The following KDM4E variants were observed in gnomAD, a reference collection of about 807,000 sequenced individuals.
The protein encoded by KDM4E is lysine-specific demethylase 4E.
For synonymous variants in KDM4E, 229 were observed against 232.9 expected (o/e 0.98, Z 0.15); for missense variants, 576 against 642.6 (o/e 0.90, Z 1.12).
chr11:95,026,510 T>C lies in KDM4E; in HGVS notation c.953T>C (p.Met318Thr), dbSNP rs1471945677. 6.3e-7 allele frequency: 1 copy of C among 1,583,686 alleles called. No individual in the cohort carries two copies. The highest frequency in any genetic ancestry group is 1.8e-5 in the Admixed American group (1 of 56,650). ...GGGGAGTCGACAGTGACCTTTTCCA[T>C]GGACCCCTTTGTGCGCATTGTGCAA... ...SCGESTVTFS[M>T]DPFVRIVQPE... The change falls in exon 1 of 1, where the codon ATG becomes ACG. Residue 318 changes from methionine (M) to threonine (T), a missense_variant. By Grantham distance (81) the Met-to-Thr change is moderately conservative. Coordinates refer to ENST00000450979, the MANE Select transcript of KDM4E (RefSeq NM_001161630.1).
Position 95,027,178 on chromosome 11 carries a change from C to T in KDM4E, c.*100C>T, listed in dbSNP as rs1858282590. On this transcript the variant is annotated 3_prime_UTR_variant, in exon 1 of 1. Transcript: ENST00000450979. ...CTGGATCGTGATGAAACCATGCACC[C>T]TGGCCTGTGCCTGCTATCCCTCAAC... is the stretch of plus-strand genomic sequence containing the variant. 2 of 1,433,554 alleles carry T rather than the reference C, an allele frequency of 1.4e-6. No homozygotes were observed. The highest frequency in any genetic ancestry group is 1.4e-5 in the South Asian group (1 of 69,516). The allele number at this position is 1,433,554 out of a possible 1,614,324, so 88.8% of individuals were successfully genotyped here. A position where few individuals can be genotyped will look rare whatever the true frequency, so the allele number is the denominator to read the frequency against.
chr11:95,025,341 A>C lies in KDM4E; in HGVS notation c.-217A>C, dbSNP rs1445098920. ...GAGCTGGGACATACTCTACTTCTTCAGAAAAAAGTATACTGACTAGAGTGG... is the reference window on the plus strand; with the variant it reads ...GAGCTGGGACATACTCTACTTCTTCCGAAAAAAGTATACTGACTAGAGTGG... On this transcript the variant is annotated 5_prime_UTR_variant, in exon 1 of 1. Transcript: ENST00000450979. 4 of 558,156 alleles carry C rather than the reference A, an allele frequency of 7.2e-6. No homozygotes were observed. The highest frequency in any genetic ancestry group is 1.2e-5 in the Non-Finnish European group (4 of 339,390). The allele number at this position is 558,156 out of a possible 1,614,324, so 34.6% of individuals were successfully genotyped here. A position where few individuals can be genotyped will look rare whatever the true frequency, so the allele number is the denominator to read the frequency against.
In KDM4E at chr11:95,026,263, G is replaced by A. The variant is rs1555102805; in HGVS notation, c.706G>A (p.Glu236Lys). The A allele has an allele frequency of 6.2e-7, 1 of 1,614,108 alleles. No homozygotes were observed. ...ELFPDISRGC[E>K]AFLRHKVALI... Reference sequence around the variant, plus strand: ...CTTCCCAGACATTTCTCGGGGCTGTGAGGCCTTCCTGCGGCACAAAGTGGC... The same window carrying A: ...CTTCCCAGACATTTCTCGGGGCTGTAAGGCCTTCCTGCGGCACAAAGTGGC... Residue 236 changes from glutamate (E) to lysine (K), a missense_variant, in exon 1 of 1, where the codon GAG becomes AAG. Physicochemically the swap from Glu to Lys is moderately conservative, Grantham distance 56. Transcript: ENST00000450979.
At position 95,025,792 on chromosome 11, in the gene KDM4E, C is replaced by A. The variant is rs1338563462; in HGVS notation, c.235C>A (p.Gln79Lys). The change falls in exon 1 of 1, where the codon CAG (glutamine) becomes AAG (lysine). Residue 79 changes from glutamine to lysine, a missense_variant. By Grantham distance (53) the Gln-to-Lys change is moderately conservative (BLOSUM62 1). Coordinates refer to ENST00000450979, the MANE Select transcript of KDM4E (RefSeq NM_001161630.1). ...TCCCCTCCAGCAGGTGACCTCTGGG[C>A]AGGGAGGTGTGTTTACTCAATACCA... ...ATPLQQVTSG[Q>K]GGVFTQYHKK... The A allele has an allele frequency of 6.3e-7, 1 of 1,591,162 alleles. No individual in the cohort carries two copies. The highest frequency in any genetic ancestry group is 8.5e-7 in the Non-Finnish European group (1 of 1,174,118).
chr11:95,025,788 T>G lies in KDM4E; in HGVS notation c.231T>G (p.Ser77=), dbSNP rs782533456. 28 of 1,591,452 alleles carry G rather than the reference T, an allele frequency of 1.8e-5. No individual in the cohort carries two copies. The East Asian group carries it at 6.1e-4, about 35-fold the overall frequency. The change falls in exon 1 of 1, where the codon TCT becomes TCG. Residue 77 remains serine, a synonymous_variant. Coordinates refer to ENST00000450979, the MANE Select transcript of KDM4E (RefSeq NM_001161630.1). ...LIATPLQQVT[S]GQGGVFTQYH... ...CCACTCCCCTCCAGCAGGTGACCTC[T>G]GGGCAGGGAGGTGTGTTTACTCAAT...
Position 95,026,754 on chromosome 11 carries a change from T to G in KDM4E, c.1197T>G (p.Thr399=), listed in dbSNP as rs1226126672. Residue 399 remains threonine, a synonymous_variant, in exon 1 of 1, where the codon ACT becomes ACG. Transcript: ENST00000450979. ...GHCYNPKGCG[T]DAVPGSAFQS... is the part of the protein sequence containing the mutation. Reference sequence around the variant, plus strand: ...GTTACAACCCAAAAGGCTGTGGCACTGATGCTGTGCCTGGATCCGCATTCC... The same window carrying G: ...GTTACAACCCAAAAGGCTGTGGCACGGATGCTGTGCCTGGATCCGCATTCC... 14 of 1,537,136 alleles carry G rather than the reference T, an allele frequency of 9.1e-6. No homozygotes were observed. The East Asian group carries it at 3.2e-4, about 35-fold the overall frequency.
chr11:95,027,254 C>T lies in KDM4E; in HGVS notation c.*176C>T. 1.1e-6 allele frequency: 1 copy of T among 893,918 alleles called. No homozygotes were observed. The highest frequency in any genetic ancestry group is 1.9e-5 in the South Asian group (1 of 53,652). The allele number at this position is 893,918 out of a possible 1,614,324, so 55.4% of individuals were successfully genotyped here. A position where few individuals can be genotyped will look rare whatever the true frequency, so the allele number is the denominator to read the frequency against. ...TTGTCTGCATGACTCCTCCCAATGT[C>T]ATTGTGCCTTTGATTAAGTTTTCCA... On this transcript the variant is annotated 3_prime_UTR_variant, in exon 1 of 1. Transcript: ENST00000450979.
In KDM4E at chr11:95,026,531, T is replaced by C. The variant is rs1858269808; in HGVS notation, c.974T>C (p.Val325Ala). 1.3e-6 allele frequency: 2 copies of C among 1,559,888 alleles called. No individual in the cohort carries two copies. The highest frequency in any genetic ancestry group is 1.9e-5 in the Admixed American group (1 of 53,046). Residue 325 changes from valine (V) to alanine (A), a missense_variant, in exon 1 of 1, where the codon GTG becomes GCG. Val to Ala is a moderately conservative substitution (Grantham distance 64). Coordinates refer to ENST00000450979, the MANE Select transcript of KDM4E (RefSeq NM_001161630.1). ...TCCATGGACCCCTTTGTGCGCATTG[T>C]GCAACCCGAGAGTTATGAGCTCTGG... is the stretch of plus-strand genomic sequence containing the variant. ...TFSMDPFVRI[V>A]QPESYELWKH...
rs537187609 is a variant in KDM4E at position 95,026,325 on chromosome 11, T to C, written c.768T>C (p.Ile256=). 8.1e-6 allele frequency: 13 copies of C among 1,613,980 alleles called. No homozygotes were observed. The highest frequency in any genetic ancestry group is 1.7e-5 in the Admixed American group (1 of 60,008). ...ISPTVLKENG[I]PFNCMTQEAG... Reference sequence around the variant, plus strand: ...CTACAGTTCTCAAGGAAAATGGGATTCCCTTCAATTGCATGACTCAGGAGG... The same window carrying C: ...CTACAGTTCTCAAGGAAAATGGGATCCCCTTCAATTGCATGACTCAGGAGG... The change falls in exon 1 of 1, where the codon ATT becomes ATC. Residue 256 remains isoleucine (I), a synonymous_variant. Coordinates refer to ENST00000450979, the MANE Select transcript of KDM4E (RefSeq NM_001161630.1).
At position 95,025,613 on chromosome 11, in the gene KDM4E, A is replaced by T; in HGVS notation, c.56A>T (p.Tyr19Phe). The change falls in exon 1 of 1, where the codon TAC (tyrosine) becomes TTC (phenylalanine). Residue 19 changes from tyrosine to phenylalanine, a missense_variant. By Grantham distance (22) the Tyr-to-Phe change is conservative. Coordinates refer to ENST00000450979, the MANE Select transcript of KDM4E (RefSeq NM_001161630.1). ...ACGAGTCATACCATCATGACGTTTTACCCAACCATGGAAGAATTTGCAGAT... is the reference window on the plus strand; with the variant it reads ...ACGAGTCATACCATCATGACGTTTTTCCCAACCATGGAAGAATTTGCAGAT... ...QNTSHTIMTF[Y>F]PTMEEFADFN... 1 of 1,537,250 alleles carries T rather than the reference A, an allele frequency of 6.5e-7. No homozygotes were observed. The highest frequency in any genetic ancestry group is 2.0e-5 in the Admixed American group (1 of 51,012).
chr11:95,026,269 T>C lies in KDM4E; in HGVS notation c.712T>C (p.Phe238Leu), dbSNP rs1226663528. Residue 238 changes from phenylalanine to leucine, a missense_variant, in exon 1 of 1, where the codon TTC (phenylalanine) becomes CTC (leucine). Phe to Leu is a conservative substitution (Grantham distance 22). Coordinates refer to ENST00000450979, the MANE Select transcript of KDM4E (RefSeq NM_001161630.1). ...AGACATTTCTCGGGGCTGTGAGGCC[T>C]TCCTGCGGCACAAAGTGGCCCTCAT... ...FPDISRGCEAFLRHKVALISP... is the reference protein window; with the variant it reads ...FPDISRGCEALLRHKVALISP... 6.2e-7 allele frequency: 1 copy of C among 1,613,988 alleles called. No homozygotes were observed. The highest frequency in any genetic ancestry group is 1.3e-5 in the African/African-American group (1 of 74,912).
Position 95,027,218 on chromosome 11 carries a change from T to G in KDM4E, c.*140T>G, listed in dbSNP as rs1291260718. ...TATCCCTCAACAGCACTACTAGTAATCTCCCTGATGTTGTCTGCATGACTC... is the reference window on the plus strand; with the variant it reads ...TATCCCTCAACAGCACTACTAGTAAGCTCCCTGATGTTGTCTGCATGACTC... On this transcript the variant is annotated 3_prime_UTR_variant, in exon 1 of 1. Transcript: ENST00000450979. 4 of 1,166,314 alleles carry G rather than the reference T, an allele frequency of 3.4e-6. No individual in the cohort carries two copies. The highest frequency in any genetic ancestry group is 4.7e-6 in the Non-Finnish European group (4 of 853,022). The allele number at this position is 1,166,314 out of a possible 1,614,324, so 72.2% of individuals were successfully genotyped here. A position where few individuals can be genotyped will look rare whatever the true frequency, so the allele number is the denominator to read the frequency against.
Position 95,026,490 on chromosome 11 carries a change from G to A in KDM4E, c.933G>A (p.Glu311=). The A allele has an allele frequency of 6.3e-7, 1 of 1,599,070 alleles. No individual in the cohort carries two copies. The highest frequency in any genetic ancestry group is 8.5e-7 in the Non-Finnish European group (1 of 1,177,422). The change falls in exon 1 of 1, where the codon GAG becomes GAA. Residue 311 remains glutamate, a synonymous_variant. Transcript: ENST00000450979. ...GKMASQCSCG[E]STVTFSMDPF... is the part of the protein sequence containing the mutation. ...TGGCCTCTCAGTGTAGCTGTGGGGA[G>A]TCGACAGTGACCTTTTCCATGGACC...
rs371628310 is a variant in KDM4E at position 95,027,121 on chromosome 11, G to A, written c.*43G>A. ...CTTGCCAAGGCTTCTGGCTGCTGCT[G>A]TGTCCCTGATCTTCAACTCCTGGGG... is the stretch of plus-strand genomic sequence containing the variant. On this transcript the variant is annotated 3_prime_UTR_variant, in exon 1 of 1. Transcript: ENST00000450979. 94 of 1,525,028 alleles carry A rather than the reference G, an allele frequency of 6.2e-5. 1 individual carries two copies. The highest frequency in any genetic ancestry group is 7.3e-5 in the Non-Finnish European group (83 of 1,140,376). 94.5% of individuals were successfully genotyped at this position (1,525,028 alleles called of 1,614,324 possible).
In KDM4E at chr11:95,027,084, G is replaced by A. The variant is rs1400355049; in HGVS notation, c.*6G>A. 6.5e-7 allele frequency: 1 copy of A among 1,535,414 alleles called. No individual in the cohort carries two copies. The highest frequency in any genetic ancestry group is 1.4e-5 in the African/African-American group (1 of 72,914). On this transcript the variant is annotated 3_prime_UTR_variant, in exon 1 of 1. Coordinates refer to ENST00000450979, the MANE Select transcript of KDM4E (RefSeq NM_001161630.1). ...TGACAAATCTGTCCCTTTGAGTGGTGGCCTTCAGCATCTTGCCAAGGCTTC... is the reference window on the plus strand; with the variant it reads ...TGACAAATCTGTCCCTTTGAGTGGTAGCCTTCAGCATCTTGCCAAGGCTTC...
rs533305561 is a variant in KDM4E at position 95,026,697 on chromosome 11, G to T, written c.1140G>T (p.Gln380His). The change falls in exon 1 of 1, where the codon CAG (glutamine) becomes CAT (histidine). Residue 380 changes from glutamine (Q) to histidine (H), a missense_variant. Transcript: ENST00000450979. ...GLRLLPNLTA[Q>H]CPTQPVSSGH... ...GGCTTCTCCCAAACCTCACAGCCCA[G>T]TGTCCCACACAGCCTGTGTCCTCAG... The T allele has an allele frequency of 1.3e-6, 2 of 1,537,276 alleles. No individual in the cohort carries two copies. Among genetic ancestry groups the T allele is most frequent in the African/African-American group, 2.7e-5 (2 of 73,178 alleles).
In KDM4E at chr11:95,027,419, C is replaced by G. The variant is rs1858285355; in HGVS notation, c.*341C>G. ...TAAGTTTTCCAGAATCTCCTGGGCT[C>G]CTGACTCATCTGCTGGGTCTAAAGA... is the stretch of plus-strand genomic sequence containing the variant. On this transcript the variant is annotated 3_prime_UTR_variant, in exon 1 of 1. Transcript: ENST00000450979. 3.3e-6 allele frequency: 1 copy of G among 303,748 alleles called. No homozygotes were observed. Among genetic ancestry groups the G allele is most frequent in the Non-Finnish European group, 6.1e-6 (1 of 163,728 alleles). 18.8% of individuals were successfully genotyped at this position (303,748 alleles called of 1,614,324 possible).
rs1207498326 is a variant in KDM4E at position 95,026,725 on chromosome 11, C to T, written c.1168C>T (p.His390Tyr). 6.5e-7 allele frequency: 1 copy of T among 1,537,252 alleles called. No homozygotes were observed. Among genetic ancestry groups the T allele is most frequent in the Non-Finnish European group, 8.7e-7 (1 of 1,146,912 alleles). ...QCPTQPVSSG[H>Y]CYNPKGCGTD... ...TCCCACACAGCCTGTGTCCTCAGGGCACTGTTACAACCCAAAAGGCTGTGG... is the reference window on the plus strand; with the variant it reads ...TCCCACACAGCCTGTGTCCTCAGGGTACTGTTACAACCCAAAAGGCTGTGG... The change falls in exon 1 of 1, where the codon CAC becomes TAC. Residue 390 changes from histidine to tyrosine, a missense_variant. By Grantham distance (83) the His-to-Tyr change is moderately conservative. Coordinates refer to ENST00000450979, the MANE Select transcript of KDM4E (RefSeq NM_001161630.1).
In KDM4E at chr11:95,026,881, G is replaced by A; in HGVS notation, c.1324G>A (p.Gly442Ser). The change falls in exon 1 of 1, where the codon GGT (glycine) becomes AGT (serine). Residue 442 changes from glycine (G) to serine (S), a missense_variant. Physicochemically the swap from Gly to Ser is moderately conservative, Grantham distance 56 (BLOSUM62 0). Transcript: ENST00000450979. ...AAGCTGGGGTTCTGGTCGTGGTCGT[G>A]GTCGTGGTCAAGGTCAAGGTCGAGG... is the stretch of plus-strand genomic sequence containing the variant. ...TGSWGSGRGRGRGQGQGRGCS... is the reference protein window; with the variant it reads ...TGSWGSGRGRSRGQGQGRGCS... 6.5e-7 allele frequency: 1 copy of A among 1,537,168 alleles called. No individual in the cohort carries two copies. The highest frequency in any genetic ancestry group is 8.7e-7 in the Non-Finnish European group (1 of 1,146,890).
Sources: allele counts gnomAD v4.1 joint callset, GRCh38; gene constraint gnomAD v4.1.1; transcripts MANE v1.5; gene names NCBI Gene and HGNC (gene_info 2026-07-23, HGNC 2026-07-21).